MTCL2: variants seen among roughly 807,000 people sequenced by gnomAD.
MTCL2 encodes the protein microtubule cross-linking factor 2.
At chr20:36,814,155 A>G in the MTCL2 span, among the ~76,000 whole-genome samples, 1 of 152,082 alleles carries the variant, frequency 6.6e-6, no homozygotes, top group Non-Finnish European at 1.5e-5. Context: ...ATTTTGGGTG[A>G]CTCTGCCCCA....
chr20:36,795,658 C>G, the MTCL2 span, among the ~76,000 whole-genome samples: 20 of 152,166 alleles, frequency 1.3e-4, no homozygotes, highest in African/African-American at 4.3e-4. Context: ...AGCCTGTAAC[C>G]CCAGCTACTC....
At chr20:36,785,273 G>C in the MTCL2 span, 2 of 985,398 alleles carry the variant, frequency 2.0e-6, no homozygotes, top group East Asian at 2.3e-4. Flanking sequence ...GGGACCCCAT[G>C]CCTGCCCGTG....
the MTCL2 span, chr20:36,863,057 A>ACGGACCCCGGTG: frequency 7.1e-7 from 1 of 1,410,198 alleles, no homozygotes; most frequent in Non-Finnish European, 9.3e-7. The surrounding 1 kb of genome is among the most constrained non-coding windows in gnomAD (Gnocchi z 6.2). Flanking sequence ...GGCCCTTGGC[A>ACGGACCCCGGTG]CGGACCCCGG....
At chr20:36,786,735 G>A in the MTCL2 span, 14 of 1,207,952 alleles carry the variant, frequency 1.2e-5, no homozygotes, top group South Asian at 7.4e-5. Context: ...ACTGAGACTC[G>A]GCCATAAACC....
chr20:36,840,003 C>T, the MTCL2 span, among the ~76,000 whole-genome samples: 2,961 of 152,122 alleles, frequency 0.019, 85 homozygotes, highest in African/African-American at 0.067. Context: ...GTTGGGATTA[C>T]AGGTGCCCAC....
chr20:36,812,510 T>C, the MTCL2 span, among the ~76,000 whole-genome samples: 1 of 152,222 alleles, frequency 6.6e-6, no homozygotes, highest in South Asian at 2.1e-4. Flanking sequence ...TAAGTTTCCT[T>C]GGATCAGGCC....
the MTCL2 span, among the ~76,000 whole-genome samples, chr20:36,835,209 G>A: frequency 2.0e-5 from 3 of 152,130 alleles, no homozygotes; most frequent in African/African-American, 4.8e-5. Flanking sequence ...GCAGCTCTCC[G>A]CCCCGTGACC....
chr20:36,791,491 G>T, the MTCL2 span, among the ~76,000 whole-genome samples: 1 of 152,180 alleles, frequency 6.6e-6, no homozygotes, highest in South Asian at 2.1e-4. Context: ...TAATAGAAAA[G>T]TAGAATGTTT....
At chr20:36,816,349 T>A in the MTCL2 span, 2 of 1,505,000 alleles carry the variant, frequency 1.3e-6, no homozygotes, top group Non-Finnish European at 1.8e-6. Flanking sequence ...AGGTTAGTGC[T>A]GGGAGTCTCA....
the MTCL2 span, among the ~76,000 whole-genome samples, chr20:36,858,847 G>A: frequency 1.3e-5 from 2 of 152,242 alleles, no homozygotes; most frequent in Middle Eastern, 3.4e-3. Context: ...CTAGAGTGCA[G>A]TGGCGCCATC....
At chr20:36,821,108 G>A in the MTCL2 span, among the ~76,000 whole-genome samples, 1 of 152,212 alleles carries the variant, frequency 6.6e-6, no homozygotes, top group Non-Finnish European at 1.5e-5. Flanking sequence ...CCCGCCCCAA[G>A]GCAACCAACG....
the MTCL2 span, among the ~76,000 whole-genome samples, chr20:36,858,213 G>A: frequency 6.6e-6 from 1 of 152,108 alleles, no homozygotes; most frequent in South Asian, 2.1e-4. Flanking sequence ...TCTGTAAAAT[G>A]GCAAGTGGGG....
the MTCL2 span, chr20:36,806,007 T>A: frequency 5.3e-6 from 8 of 1,512,586 alleles, no homozygotes; most frequent in Non-Finnish European, 6.3e-6. Context: ...TTTCCCAAAT[T>A]TTAATTCCAA....
At chr20:36,845,999 G>T in the MTCL2 span, among the ~76,000 whole-genome samples, 1 of 152,204 alleles carries the variant, frequency 6.6e-6, no homozygotes, top group East Asian at 1.9e-4. Flanking sequence ...TAGGCCTCGT[G>T]GCTATGGAAC....
the MTCL2 span, among the ~76,000 whole-genome samples, chr20:36,787,481 C>T: frequency 1.1e-4 from 17 of 152,208 alleles, no homozygotes; most frequent in African/African-American, 3.9e-4. Context: ...CCTCGGCCTT[C>T]CAAAGTGGTG....
the MTCL2 span, chr20:36,786,750 C>T: frequency 9.5e-7 from 1 of 1,049,804 alleles, no homozygotes; most frequent in Non-Finnish European, 1.4e-6. Context: ...TAAACCAGTT[C>T]CCAGGGGCTG....
the MTCL2 span, among the ~76,000 whole-genome samples, chr20:36,856,959 G>C: frequency 2.0e-5 from 3 of 152,218 alleles, no homozygotes; most frequent in Non-Finnish European, 2.9e-5. Flanking sequence ...GCCAGACTGT[G>C]CTGTGTCCCT....
At chr20:36,850,993 C>G in the MTCL2 span, among the ~76,000 whole-genome samples, 3 of 152,002 alleles carry the variant, frequency 2.0e-5, no homozygotes. Flanking sequence ...GTTTTTGACA[C>G]TCTGGAAACG....
the MTCL2 span, chr20:36,784,039 T>A: frequency 1.1e-5 from 11 of 985,560 alleles, no homozygotes; most frequent in Non-Finnish European, 1.3e-5. Flanking sequence ...AGGACAATCC[T>A]GGACGGTACG....
Sources: gnomAD v4.1 joint callset for allele counts (sites outside exome capture counted in the v4.1 genomes callset) on GRCh38, gnomAD v4.1.1 for gene constraint, Gnocchi (gnomAD v3.1) non-coding constraint, MANE v1.5 for transcripts, NCBI Gene and HGNC (gene_info 2026-07-23, HGNC 2026-07-21) for gene names.